CACNA1C: variants seen among roughly 807,000 people sequenced by gnomAD.
CACNA1C encodes calcium voltage-gated channel subunit alpha1 C, also known as voltage-dependent L-type calcium channel subunit alpha-1C.
In CACNA1C, 30 loss-of-function variants were observed where a neutral mutation model predicts 229.0. That is an observed-to-expected ratio of 0.13 (90% CI 0.10 to 0.18). CACNA1C has a LOEUF of 0.18. Ranked by LOEUF, CACNA1C falls within the 10% of genes least tolerant of loss-of-function variation. The pLI is 1.00. For missense variants in CACNA1C, 1,658 were observed against 2,845.0 expected (o/e 0.58, Z 9.49); for synonymous variants, 1,114 against 1,132.5 (o/e 0.98, Z 0.33).
chr12:2,085,403 G>A (rs1003200717), intron 1 of CACNA1C, among the ~76,000 whole-genome samples: 7 of 152,102 alleles, frequency 4.6e-5, no homozygotes, highest in Admixed American at 1.3e-4. Context: ...GCTGCAGAAT[G>A]TTTTAATTTT....
At chr12:2,373,712 G>A (rs1465929275) in intron 3 of CACNA1C, among the ~76,000 whole-genome samples, 1 of 152,164 alleles carries the variant, frequency 6.6e-6, no homozygotes, top group Non-Finnish European at 1.5e-5. Flanking sequence ...GTATTTATGA[G>A]TTTGCTCCAG....
In CACNA1C at chr12:2,623,946, C is replaced by G. The variant is rs1454286678; in HGVS notation, c.3829-10351C>G. 3.9e-5 allele frequency among the ~76,000 whole-genome samples: 6 copies of G among 152,200 alleles called. No individual in the cohort carries two copies. In the East Asian group the frequency reaches 1.2e-3, roughly 29 times the overall value. On this transcript the variant is annotated intron_variant, in intron 29 of 46. Coordinates refer to ENST00000399655, the MANE Select transcript of CACNA1C (RefSeq NM_000719.7). ...AGTGGCTCCGGAGCCGCCATCCGTG[C>G]CGTGCTCAGCAGGACTTAGCAGCAT...
At chr12:2,343,484 T>C (rs1034376323) in intron 3 of CACNA1C, among the ~76,000 whole-genome samples, 1 of 152,134 alleles carries the variant, frequency 6.6e-6, no homozygotes, top group Admixed American at 6.5e-5. Context: ...AGACAACAAA[T>C]AATTTTTTGT....
chr12:2,483,171 AT>A (rs1045053372), intron 5 of CACNA1C, among the ~76,000 whole-genome samples: 14 of 152,188 alleles, frequency 9.2e-5, no homozygotes, highest in African/African-American at 3.4e-4. Flanking sequence ...GTGCGCTGGG[AT>A]TGGAGGCACG....
intron 3 of CACNA1C, among the ~76,000 whole-genome samples, chr12:2,437,031 T>A (rs1253892520): frequency 6.6e-6 from 1 of 152,272 alleles, no homozygotes; most frequent in African/African-American, 2.4e-5. Context: ...GCTTTTGTGC[T>A]GGTATGCCTC....
chr12:2,544,089 A>G (rs1035566416), intron 9 of CACNA1C, among the ~76,000 whole-genome samples: 2 of 151,836 alleles, frequency 1.3e-5, no homozygotes, highest in African/African-American at 4.8e-5. Flanking sequence ...ACTTGAACCA[A>G]GTGGCTCATT....
At position 2,124,109 on chromosome 12, in the gene CACNA1C, CGTGTGTGTGTGTGTGTGT is replaced by C. The variant is rs36202591; in HGVS notation, c.477+3703_477+3720del. On this transcript the variant is annotated intron_variant, in intron 3 of 46. Transcript: ENST00000399655. Reference sequence around the variant, plus strand: ...GGTCTCTCCTTCCACTGGTCTAGCTCGTGTGTGTGTGTGTGTGTGTGTGTGTGTGTGTGTGTGTGTGCA... The same window carrying C: ...GGTCTCTCCTTCCACTGGTCTAGCTCGTGTGTGTGTGTGTGTGTGTGTGCA... Among the ~76,000 whole-genome samples, 1,385 of 145,620 alleles carry C rather than the reference CGTGTGTGTGTGTGTGTGT, an allele frequency of 9.5e-3. 23 individuals are homozygous for C. Among genetic ancestry groups the C allele is most frequent in the African/African-American group, 0.034 (1,310 of 39,098 alleles).
In CACNA1C at chr12:2,566,452, C is replaced by T. The variant is rs954772695; in HGVS notation, c.1539C>T (p.Cys513=). ...SRYWRRWNRF[C]RRKCRAAVKS... ...ACTGGCGCCGGTGGAATCGGTTCTG[C>T]AGAAGGAAGTGCCGCGCCGCAGTCA... is the stretch of plus-strand genomic sequence containing the variant. Residue 513 remains cysteine, a synonymous_variant, in exon 12 of 47, where the codon TGC becomes TGT. Coordinates refer to ENST00000399655, the MANE Select transcript of CACNA1C (RefSeq NM_000719.7). The surrounding 1 kb of genome is among the most constrained non-coding windows in gnomAD (Gnocchi z 4.0). The T allele has an allele frequency of 6.3e-7, 1 of 1,597,150 alleles. No homozygotes were observed. The highest frequency in any genetic ancestry group is 1.7e-5 in the Admixed American group (1 of 57,912).
intron 9 of CACNA1C, among the ~76,000 whole-genome samples, chr12:2,525,762 A>C (rs2099817597): frequency 6.6e-6 from 1 of 152,216 alleles, no homozygotes; most frequent in African/African-American, 2.4e-5. Flanking sequence ...GGAAATACTC[A>C]TGCCTCTGGT....
intron 42 of CACNA1C, among the ~76,000 whole-genome samples, chr12:2,681,269 A>C (rs898262844): frequency 6.6e-6 from 1 of 152,194 alleles, no homozygotes; most frequent in African/African-American, 2.4e-5. Context: ...CCTTGTCCCC[A>C]CAGATATATC....
At chr12:2,257,535 C>T (rs1408245467) in intron 3 of CACNA1C, among the ~76,000 whole-genome samples, 1 of 152,238 alleles carries the variant, frequency 6.6e-6, no homozygotes, top group African/African-American at 2.4e-5. Flanking sequence ...GAATCTAATG[C>T]TGCTGCTGAT....
intron 3 of CACNA1C, among the ~76,000 whole-genome samples, chr12:2,247,917 G>A (rs537944446): frequency 6.6e-6 from 1 of 152,152 alleles, no homozygotes. Flanking sequence ...CACTGCAGAG[G>A]GGGGACAGGT....
At chr12:2,473,931 T>C (rs2099606374) in intron 5 of CACNA1C, among the ~76,000 whole-genome samples, 1 of 152,164 alleles carries the variant, frequency 6.6e-6, no homozygotes, top group South Asian at 2.1e-4. Context: ...GCTTATGGCG[T>C]AGAGTTACCG....
At chr12:2,507,210 C>T (rs1568108194) in intron 8 of CACNA1C, among the ~76,000 whole-genome samples, 1 of 152,190 alleles carries the variant, frequency 6.6e-6, no homozygotes, top group East Asian at 1.9e-4. Context: ...TGAGAGCTGC[C>T]GTCTGCTCCT....
rs891093615 is a variant in CACNA1C, at chr12:1,971,428, C to T, written c.139+227C>T. Among the ~76,000 whole-genome samples, 10 of 152,166 alleles carry T rather than the reference C, an allele frequency of 6.6e-5. No individual in the cohort carries two copies. In the South Asian group the frequency reaches 1.0e-3, roughly 16 times the overall value. ...TGAAAAAAAGTGATGTTTGAGGCAA[C>T]AGGCAATGCAATACTGCCTTTACAT... On this transcript the variant is annotated intron_variant, in intron 1 of 46. Transcript: ENST00000682462. This position sits in a 1 kb window ranked among gnomAD's most constrained non-coding sequence, Gnocchi z 4.2.
At chr12:2,042,808 A>G (rs2050355296) in intron 1 of CACNA1C, among the ~76,000 whole-genome samples, 2 of 152,220 alleles carry the variant, frequency 1.3e-5, no homozygotes, top group South Asian at 2.1e-4. Flanking sequence ...CTATTAAATC[A>G]TGACTTGTAC....
intron 3 of CACNA1C, among the ~76,000 whole-genome samples, chr12:2,297,636 C>A (rs1168829071): frequency 6.6e-6 from 1 of 152,168 alleles, no homozygotes; most frequent in Non-Finnish European, 1.5e-5. Context: ...ACAAGTGATA[C>A]TGTGACATCG....
chr12:2,107,942 C>T (rs2079863605), intron 1 of CACNA1C, among the ~76,000 whole-genome samples: 1 of 152,214 alleles, frequency 6.6e-6, no homozygotes, highest in African/African-American at 2.4e-5. Flanking sequence ...GTGGGCGCCT[C>T]TAGCCACATG....
At chr12:2,350,583 G>C (rs1353112376) in intron 3 of CACNA1C, among the ~76,000 whole-genome samples, 1 of 152,220 alleles carries the variant, frequency 6.6e-6, no homozygotes, top group Non-Finnish European at 1.5e-5. Flanking sequence ...GAGGAAGTGT[G>C]CTGGGCTGCG....
Sources: gnomAD v4.1 joint callset for allele counts (sites outside exome capture counted in the v4.1 genomes callset) on GRCh38, gnomAD v4.1.1 for gene constraint, Gnocchi (gnomAD v3.1) non-coding constraint, MANE v1.5 for transcripts, NCBI Gene and HGNC (gene_info 2026-07-23, HGNC 2026-07-21) for gene names.